Variants in ZNF334 observed in about 807,000 individuals in gnomAD.
ZNF334 encodes zinc finger protein 334.
ZNF334 carries 14 observed loss-of-function variants against 12.4 expected under a neutral mutation model. The ratio of observed to expected loss-of-function variants is 1.13; its 90% CI spans 0.74 to 1.76. The LOEUF (loss-of-function observed/expected upper bound fraction) is 1.76. ZNF334 is among the 40% of genes most tolerant of loss of function. ZNF334 has a pLI of 0.00. For synonymous variants in ZNF334, 273 were observed against 269.6 expected, an observed-to-expected ratio of 1.01 and a Z score of -0.12; for missense variants, 797 against 804.5, an observed-to-expected ratio of 0.99 and a Z score of 0.11.
intron 4 of ZNF334, among the ~76,000 whole-genome samples, chr20:46,503,389 A>G (rs1247863559): frequency 1.3e-5 from 2 of 152,382 alleles, no homozygotes; most frequent in African/African-American, 2.4e-5. Flanking sequence ...ACTACTAAAC[A>G]TTGAGTGGAA....
chr20:46,479,966 C>G, the ZNF334 span, among the ~76,000 whole-genome samples: 5 of 152,196 alleles, frequency 3.3e-5, no homozygotes, highest in East Asian at 1.9e-4. Context: ...TAAGCTCCCC[C>G]ACTCTTTGAG....
rs2061234747 is a variant in ZNF334 at position 46,502,375 on chromosome 20, C to T, written c.964G>A (p.Glu322Lys). Residue 322 changes from glutamate (E) to lysine (K), a missense_variant, in exon 5 of 5, where the codon GAG (glutamate) becomes AAG (lysine). By Grantham distance (56) the Glu-to-Lys change is moderately conservative (BLOSUM62 1). Coordinates refer to ENST00000692313, the MANE Select transcript of ZNF334 (RefSeq NM_001353824.2). ...QKIHGGEKSY[E>K]CNECGKTFFR... ...AAGGTCTTTCCACATTCATTACACT[C>T]ATAGGATTTCTCCCCTCCATGAATT... The T allele has an allele frequency of 2.5e-6, 4 of 1,614,076 alleles. No homozygotes were observed. Among genetic ancestry groups the T allele is most frequent in the Non-Finnish European group, 3.4e-6 (4 of 1,180,008 alleles).
intron 2 of ZNF334, among the ~76,000 whole-genome samples, chr20:46,508,873 A>G (rs1332417001): frequency 6.6e-6 from 1 of 152,202 alleles, no homozygotes; most frequent in Middle Eastern, 3.2e-3. Context: ...AACACATAGT[A>G]TTTTTATATA....
chr20:46,480,611 G>A, the ZNF334 span, among the ~76,000 whole-genome samples: 3 of 152,326 alleles, frequency 2.0e-5, no homozygotes, highest in African/African-American at 7.2e-5. Context: ...AAGCCTTGAT[G>A]TGACAATCCT....
At position 46,501,245 on chromosome 20, in the gene ZNF334, T is replaced by C. The variant is rs1568848900; in HGVS notation, c.*51A>G. The C allele has an allele frequency of 6.4e-7, 1 of 1,569,950 alleles. No individual in the cohort carries two copies. The highest frequency in any genetic ancestry group is 2.2e-5 in the East Asian group (1 of 44,610). The stretch of plus-strand genomic sequence containing the variant: ...TATACATACTCACAGTTTAGCATTG[T>C]GTAAGTTATTTGATTTGTTGCTTTG... On this transcript the variant is annotated 3_prime_UTR_variant, in exon 5 of 5. Transcript: ENST00000692313.
At chr20:46,482,130 G>A in the ZNF334 span, among the ~76,000 whole-genome samples, 1 of 152,180 alleles carries the variant, frequency 6.6e-6, no homozygotes, top group Admixed American at 6.5e-5. Flanking sequence ...TCTTCCTAGA[G>A]CCTGCAGCAG....
the ZNF334 span, chr20:46,463,745 G>A: frequency 8.2e-6 from 2 of 244,338 alleles, no homozygotes; most frequent in African/African-American, 4.4e-5. Flanking sequence ...GTCACAGATT[G>A]AGAAGACAGG....
the ZNF334 span, among the ~76,000 whole-genome samples, chr20:46,468,869 T>G: frequency 6.6e-6 from 1 of 152,218 alleles, no homozygotes; most frequent in East Asian, 1.9e-4. Flanking sequence ...ACATAATTAC[T>G]AATATGATCA....
the ZNF334 span, among the ~76,000 whole-genome samples, chr20:46,469,656 G>A: frequency 2.6e-5 from 4 of 152,122 alleles, no homozygotes; most frequent in African/African-American, 7.2e-5. Flanking sequence ...ACAGACGTGT[G>A]CCACTGCGCC....
downstream of ZNF334, among the ~76,000 whole-genome samples, chr20:46,498,924 C>T (rs757729435): frequency 6.6e-5 from 10 of 151,966 alleles, no homozygotes; most frequent in Non-Finnish European, 1.3e-4. Flanking sequence ...CCTGTAATCC[C>T]AGCACTTTGG....
the ZNF334 span, among the ~76,000 whole-genome samples, chr20:46,488,393 G>T: frequency 8.6e-6 from 1 of 116,666 alleles, no homozygotes; most frequent in African/African-American, 3.5e-5. Context: ...CATGTAGAGT[G>T]TAAGAATTAT....
chr20:46,469,923 G>A, the ZNF334 span, among the ~76,000 whole-genome samples: 1 of 151,966 alleles, frequency 6.6e-6, no homozygotes, highest in African/African-American at 2.4e-5. Flanking sequence ...ATTATGAATG[G>A]GTTGGAGAAT....
At chr20:46,471,127 A>G in the ZNF334 span, among the ~76,000 whole-genome samples, 24,777 of 152,158 alleles carry the variant, frequency 0.16, 2,243 homozygotes, top group African/African-American at 0.23. Context: ...GGTATTGTCA[A>G]TCATTTTAGT....
Position 46,502,453 on chromosome 20 carries a change from T to G in ZNF334, c.886A>C (p.Ser296Arg), listed in dbSNP as rs774607566. ...IHTGERPYECSECRKTFIDKS... is the reference protein window; with the variant it reads ...IHTGERPYECRECRKTFIDKS... ...TCAATGAAGGTTTTCCTGCATTCACTGCATTCATAGGGTCTCTCTCCAGTA... is the reference window on the plus strand; with the variant it reads ...TCAATGAAGGTTTTCCTGCATTCACGGCATTCATAGGGTCTCTCTCCAGTA... The change falls in exon 5 of 5, where the codon AGT (serine) becomes CGT (arginine). Residue 296 changes from serine (S) to arginine (R), a missense_variant. By Grantham distance (110) the Ser-to-Arg change is moderately radical. Transcript: ENST00000692313. 4 of 1,614,122 alleles carry G rather than the reference T, an allele frequency of 2.5e-6. No homozygotes were observed. The highest frequency in any genetic ancestry group is 2.5e-6 in the Non-Finnish European group (3 of 1,179,988).
At chr20:46,486,273 G>C in the ZNF334 span, among the ~76,000 whole-genome samples, 2 of 152,176 alleles carry the variant, frequency 1.3e-5, no homozygotes, top group African/African-American at 4.8e-5. Flanking sequence ...AAATAGCTGG[G>C]TGTGGTGGCA....
chr20:46,509,041 T>C (rs2145995409), intron 2 of ZNF334, among the ~76,000 whole-genome samples: 1 of 152,328 alleles, frequency 6.6e-6, no homozygotes, highest in South Asian at 2.1e-4. Context: ...ATCAGTCCCA[T>C]ATCAGTGAGA....
At chr20:46,469,370 CTTT>C in the ZNF334 span, among the ~76,000 whole-genome samples, 8 of 138,694 alleles carry the variant, frequency 5.8e-5, no homozygotes. Flanking sequence ...CCCTATGCTC[CTTT>C]TTTTTTTTTT....
chr20:46,488,803 A>AG, the ZNF334 span, among the ~76,000 whole-genome samples: 29,330 of 127,770 alleles, frequency 0.23, 3,582 homozygotes, highest in African/African-American at 0.41. Context: ...TCTAGTTAAT[A>AG]GTTTTTTTTT....
chr20:46,510,713 G>A (rs577579893), intron 2 of ZNF334, among the ~76,000 whole-genome samples: 16 of 148,862 alleles, frequency 1.1e-4, no homozygotes, highest in South Asian at 4.3e-4. Context: ...AGCTGAGATC[G>A]TGCCACTGCA....
Sources: allele counts gnomAD v4.1 joint callset (sites outside exome capture counted in the v4.1 genomes callset), GRCh38; gene constraint gnomAD v4.1.1; transcripts MANE v1.5; gene names NCBI Gene and HGNC (gene_info 2026-07-23, HGNC 2026-07-21).